The following WDSUB1 variants were observed in gnomAD, a reference collection of about 807,000 sequenced individuals.
WDSUB1 encodes WD repeat, sterile alpha motif and U-box domain containing 1, also known as WD repeat, SAM and U-box domain-containing protein 1.
A neutral mutation model predicts 53.9 loss-of-function variants in WDSUB1; 49 were observed. That is an observed-to-expected ratio of 0.91 (90% CI 0.72 to 1.15). WDSUB1 has a LOEUF of 1.15. Among genes scored for constraint, WDSUB1 ranks in the 50% most tolerant of loss-of-function variants. The pLI is 0.00. For synonymous variants in WDSUB1, 194 were observed against 200.6 expected (o/e 0.97, Z 0.28); for missense variants, 514 against 562.0 (o/e 0.91, Z 0.86).
chr2:159,239,082 G>A (rs993326052), intron 10 of WDSUB1, among the ~76,000 whole-genome samples: 2 of 152,092 alleles, frequency 1.3e-5, no homozygotes, highest in Non-Finnish European at 2.9e-5. Flanking sequence ...GCTCACTGCA[G>A]CCTCGACCTC....
chr2:159,249,254 C>G (rs2060891423), intron 9 of WDSUB1, among the ~76,000 whole-genome samples: 2 of 152,180 alleles, frequency 1.3e-5, no homozygotes, highest in Admixed American at 1.3e-4. Context: ...TTTGCTGATT[C>G]TTGTAAGAAA....
At chr2:159,242,417 A>T (rs1251200279) in intron 10 of WDSUB1, among the ~76,000 whole-genome samples, 2 of 146,132 alleles carry the variant, frequency 1.4e-5, no homozygotes, top group Non-Finnish European at 3.0e-5. Flanking sequence ...CTGTAATCCC[A>T]GCATTTTGGG....
intron 8 of WDSUB1, among the ~76,000 whole-genome samples, chr2:159,257,461 A>C (rs1343777908): frequency 2.7e-5 from 4 of 149,794 alleles, no homozygotes; most frequent in Non-Finnish European, 4.4e-5. Flanking sequence ...ATCTCAGGTC[A>C]CTGTAACCTC....
intron 2 of WDSUB1, 130 bp downstream of exon 2, chr2:159,282,542 G>A (rs1228842283): frequency 9.2e-6 from 10 of 1,082,570 alleles, no homozygotes; most frequent in African/African-American, 4.7e-5. Context: ...GCTTCCTAGG[G>A]TCATCAAAAT....
intron 5 of WDSUB1, among the ~76,000 whole-genome samples, chr2:159,270,195 T>C (rs113872595): frequency 8.5e-5 from 13 of 152,258 alleles, no homozygotes; most frequent in African/African-American, 3.1e-4. Flanking sequence ...AGAAGGCTAA[T>C]AAAAGATGAG....
At chr2:159,272,776 G>A (rs879066878) in intron 4 of WDSUB1, among the ~76,000 whole-genome samples, 2 of 151,958 alleles carry the variant, frequency 1.3e-5, no homozygotes, top group Admixed American at 1.3e-4. Flanking sequence ...TACACATCTT[G>A]TAATTCCAAT....
intron 2 of WDSUB1, among the ~76,000 whole-genome samples, chr2:159,281,527 G>A (rs2061662886): frequency 6.6e-6 from 1 of 152,202 alleles, no homozygotes; most frequent in Non-Finnish European, 1.5e-5. Flanking sequence ...TTCCAAAAGA[G>A]TTTTTCAGGC....
chr2:159,269,665 C>T (rs1368441386), intron 5 of WDSUB1, among the ~76,000 whole-genome samples: 1 of 152,108 alleles, frequency 6.6e-6, no homozygotes, highest in Non-Finnish European at 1.5e-5. Context: ...CAATACACAA[C>T]AATAATATAC....
At chr2:159,250,984 C>T (rs1029455703) in intron 9 of WDSUB1, among the ~76,000 whole-genome samples, 1 of 151,940 alleles carries the variant, frequency 6.6e-6, no homozygotes, top group South Asian at 2.1e-4. Context: ...GAAAAGGAGG[C>T]TGGGTGTAGT....
In WDSUB1 at chr2:159,258,833, C is replaced by A. The variant is rs924691907; in HGVS notation, c.805-848G>T. On this transcript the variant is annotated intron_variant, in intron 6 of 10. Transcript: ENST00000359774. ...CATGAGAAATATTAAAGATTTACCT[C>A]ACCTAGCTTGAGTATTCTTTCCCAT... 6.6e-4 allele frequency among the ~76,000 whole-genome samples: 100 copies of A among 152,126 alleles called. 2 individuals carry two copies. The highest frequency in any genetic ancestry group is 5.3e-4 in the Non-Finnish European group (36 of 68,026).
At chr2:159,242,975 G>A (rs1458900144) in intron 10 of WDSUB1, among the ~76,000 whole-genome samples, 1 of 148,082 alleles carries the variant, frequency 6.8e-6, no homozygotes, top group African/African-American at 2.6e-5. Context: ...TCAGAAAAAT[G>A]TAGGTGGGAA....
chr2:159,251,323 A>G (rs142025832), intron 9 of WDSUB1, among the ~76,000 whole-genome samples: 8 of 152,224 alleles, frequency 5.3e-5, no homozygotes, highest in Admixed American at 1.3e-4. Context: ...TTTAAAAAGT[A>G]TATTTTCCTG....
At chr2:159,263,142 TCA>T (rs142147550) in intron 5 of WDSUB1, among the ~76,000 whole-genome samples, 2,250 of 152,290 alleles carry the variant, frequency 0.015, 27 homozygotes, top group Non-Finnish European at 0.021. Flanking sequence ...CGTGGTGTAA[TCA>T]CAGACTCCTC....
chr2:159,278,991 G>A (rs1041603071), intron 3 of WDSUB1, among the ~76,000 whole-genome samples: 6 of 152,090 alleles, frequency 3.9e-5, no homozygotes, highest in Admixed American at 2.0e-4. Context: ...GACTTAGTAC[G>A]AAAGATAAAA....
rs899153011 is a variant in WDSUB1 at position 159,257,670 on chromosome 2, G to A, written c.952+88C>T. 4.3e-6 allele frequency: 5 copies of A among 1,158,782 alleles called. No homozygotes were observed. In the African/African-American group the frequency reaches 6.2e-5, roughly 14 times the overall value. 71.8% of individuals were successfully genotyped at this position (1,158,782 alleles called of 1,614,324 possible). ...CCCAAAGTGCTGGGATTACAGGTGT[G>A]AGCCGCGGTGCCCAGCCCGATTTAC... is the stretch of plus-strand genomic sequence containing the variant. On this transcript the variant is annotated intron_variant, in intron 8 of 10. Transcript: ENST00000359774.
chr2:159,255,413 A>G (rs755629384), intron 9 of WDSUB1, among the ~76,000 whole-genome samples: 12 of 151,566 alleles, frequency 7.9e-5, no homozygotes, highest in African/African-American at 1.2e-4. Context: ...CTTGCAGTGA[A>G]CCGAGATCGC....
At chr2:159,261,886 ATATATATATATTT>A (rs2061223798) in intron 5 of WDSUB1, among the ~76,000 whole-genome samples, 1 of 15,360 alleles carries the variant, frequency 6.5e-5, no homozygotes, top group East Asian at 2.4e-3. Flanking sequence ...ATATATATAT[ATATATATATATTT>A]TTTTTTTTTT....
At chr2:159,238,328 G>A (rs2060544029) in intron 10 of WDSUB1, among the ~76,000 whole-genome samples, 1 of 152,058 alleles carries the variant, frequency 6.6e-6, no homozygotes, top group African/African-American at 2.4e-5. Flanking sequence ...TTGTCTTTGG[G>A]ACTTTAAAAG....
At chr2:159,281,043 C>G (rs1180141016) in intron 2 of WDSUB1, among the ~76,000 whole-genome samples, 2 of 152,152 alleles carry the variant, frequency 1.3e-5, no homozygotes, top group Non-Finnish European at 2.9e-5. Context: ...ATTAACACCA[C>G]TTAAAACATG....
Sources: allele counts gnomAD v4.1 joint callset (sites outside exome capture counted in the v4.1 genomes callset), GRCh38; gene constraint gnomAD v4.1.1; transcripts MANE v1.5; gene names NCBI Gene and HGNC (gene_info 2026-07-23, HGNC 2026-07-21).